Variants in GBA1 observed in about 807,000 individuals in gnomAD.
GBA1 encodes the protein glucosylceramidase beta 1.
the GBA1 span, chr1:155,237,422 G>T: frequency 1.2e-6 from 2 of 1,613,974 alleles, no homozygotes; most frequent in Non-Finnish European, 1.7e-6. Context: ...TGTTGGCGAG[G>T]GTAGGACCTA....
the GBA1 span, among the ~76,000 whole-genome samples, chr1:155,243,932 A>G: frequency 6.6e-6 from 1 of 150,890 alleles, no homozygotes; most frequent in East Asian, 1.9e-4. Context: ...GCGAATCCCA[A>G]CCCCGACGCT....
chr1:155,238,087 C>T, the GBA1 span: 12 of 1,594,402 alleles, frequency 7.5e-6, no homozygotes, highest in African/African-American at 1.5e-4. Context: ...ATCAGCATGG[C>T]TAAATGGGAG....
chr1:155,236,926 G>A, the GBA1 span, among the ~76,000 whole-genome samples: 1 of 151,928 alleles, frequency 6.6e-6, no homozygotes. Context: ...GTGCAGTGGC[G>A]CGATCTCGGC....
At chr1:155,236,036 C>G in the GBA1 span, 1 of 731,128 alleles carries the variant, frequency 1.4e-6, no homozygotes, top group East Asian at 2.7e-5. Context: ...TCTGAGGCAG[C>G]TGCAAGTGCC....
the GBA1 span, chr1:155,235,785 T>C: frequency 6.2e-7 from 1 of 1,614,204 alleles, no homozygotes; most frequent in Non-Finnish European, 8.5e-7. Flanking sequence ...AATTGGGTCC[T>C]CCTTCGGGGT....
chr1:155,237,687 G>C, the GBA1 span: 2 of 1,560,528 alleles, frequency 1.3e-6, no homozygotes, highest in East Asian at 4.8e-5. Flanking sequence ...GAGGCAGGTG[G>C]ATCACTTGAG....
At chr1:155,238,358 A>C in the GBA1 span, 1 of 1,524,000 alleles carries the variant, frequency 6.6e-7, no homozygotes. Context: ...AACACATACT[A>C]GCCCAACCAG....
the GBA1 span, chr1:155,240,129 T>C: frequency 1.3e-6 from 2 of 1,511,044 alleles, no homozygotes; most frequent in African/African-American, 1.4e-5. Context: ...ACATGGAGAA[T>C]GGACACATCT....
At chr1:155,240,169 T>G in the GBA1 span, 1 of 1,264,256 alleles carries the variant, frequency 7.9e-7, no homozygotes, top group Non-Finnish European at 1.1e-6. Flanking sequence ...GGTTTCAAAA[T>G]TCCTCACCCC....
chr1:155,237,921 GA>G, the GBA1 span: 1 of 662,730 alleles, frequency 1.5e-6, no homozygotes, highest in Non-Finnish European at 2.5e-6. Context: ...AAAAAAAGAA[GA>G]AAAATAAAAA....
the GBA1 span, chr1:155,235,682 T>A: frequency 2.5e-6 from 4 of 1,599,772 alleles, no homozygotes; most frequent in Non-Finnish European, 3.4e-6. Context: ...TCCACTCACC[T>A]GAAGTGGCCA....
the GBA1 span, chr1:155,236,166 A>G: frequency 2.4e-6 from 3 of 1,238,458 alleles, no homozygotes; most frequent in Non-Finnish European, 3.5e-6. Flanking sequence ...CTGGACAGGA[A>G]GGGCTTCTGT....
chr1:155,240,394 G>A, the GBA1 span: 1 of 608,448 alleles, frequency 1.6e-6, no homozygotes, highest in Non-Finnish European at 2.9e-6. Context: ...AATCTGGGAG[G>A]CAGAGGTTGG....
the GBA1 span, chr1:155,244,601 C>A: frequency 2.6e-5 from 4 of 152,172 alleles, no homozygotes; most frequent in African/African-American, 4.8e-5. Flanking sequence ...ACTGGGGCCC[C>A]GCGCAGTAAG....
At chr1:155,235,390 G>T in the GBA1 span, 1 of 1,583,070 alleles carries the variant, frequency 6.3e-7, no homozygotes, top group Non-Finnish European at 8.6e-7. Context: ...CCCACCCACG[G>T]ACCCACCCCA....
the GBA1 span, chr1:155,239,858 C>A: frequency 9.7e-5 from 156 of 1,613,978 alleles, no homozygotes; most frequent in Admixed American, 2.3e-4. Flanking sequence ...CCCAGCCTGG[C>A]CCAGGGGGTG....
chr1:155,235,296 C>G, the GBA1 span: 1 of 1,613,322 alleles, frequency 6.2e-7, no homozygotes, highest in East Asian at 2.2e-5. Context: ...TCTGGGAGCC[C>G]TCAGGAATGA....
chr1:155,243,010 A>T, the GBA1 span, among the ~76,000 whole-genome samples: 1 of 152,212 alleles, frequency 6.6e-6, no homozygotes, highest in African/African-American at 2.4e-5. Context: ...TTCATCTATA[A>T]AAGGGGAGTG....
At chr1:155,243,519 T>G in the GBA1 span, among the ~76,000 whole-genome samples, 1 of 152,154 alleles carries the variant, frequency 6.6e-6, no homozygotes, top group Non-Finnish European at 1.5e-5. Context: ...CTGGATGGAG[T>G]GTAGTAGCTT....
Sources: gnomAD v4.1 joint callset for allele counts (sites outside exome capture counted in the v4.1 genomes callset) on GRCh38, gnomAD v4.1.1 for gene constraint, MANE v1.5 for transcripts, NCBI Gene and HGNC (gene_info 2026-07-23, HGNC 2026-07-21) for gene names.